The following KIAA0825 variants were observed in gnomAD, a reference collection of about 807,000 sequenced individuals.
KIAA0825 encodes uncharacterized protein KIAA0825.
Under a neutral mutation model 147.6 loss-of-function variants are expected in KIAA0825, and 119 were observed. That is an observed-to-expected ratio of 0.81 (90% confidence interval 0.69 to 0.94). The LOEUF is 0.94. Ranked by LOEUF, KIAA0825 falls within the 40% of genes least tolerant of loss-of-function variation. The pLI is 0.00. For synonymous variants in KIAA0825, 470 were observed against 518.1 expected (o/e 0.91, Z 1.26); for missense variants, 1,381 against 1,472.7 (o/e 0.94, Z 1.02).
intron 20 of KIAA0825, among the ~76,000 whole-genome samples, chr5:94,327,641 C>T (rs1780830600): frequency 6.6e-6 from 1 of 152,130 alleles, no homozygotes; most frequent in East Asian, 1.9e-4. Flanking sequence ...ACCTTCTTTT[C>T]AAATATTTGC....
At position 94,459,974 on chromosome 5, in the gene KIAA0825, T is replaced by C. The variant is rs888794880; in HGVS notation, c.2246+2413A>G. Among the ~76,000 whole-genome samples, 18 of 152,254 alleles carry C rather than the reference T, an allele frequency of 1.2e-4. No individual in the cohort carries two copies. In the Middle Eastern group the frequency reaches 0.01, roughly 86 times the overall value. On this transcript the variant is annotated intron_variant, in intron 12 of 20. Coordinates refer to ENST00000682413, the MANE Select transcript of KIAA0825 (RefSeq NM_001145678.3). ...GGCAAATATTACATCTTGCTCATTG[T>C]TGTATCCCTTTTCTTTAATCAGAGG...
intron 3 of KIAA0825, among the ~76,000 whole-genome samples, chr5:94,527,065 T>C (rs904521036): frequency 6.6e-6 from 1 of 152,068 alleles, no homozygotes; most frequent in Admixed American, 6.6e-5. Context: ...GTACTTGTCA[T>C]CTAACCTCAC....
intron 12 of KIAA0825, among the ~76,000 whole-genome samples, chr5:94,455,257 C>A (rs974786857): frequency 6.6e-6 from 1 of 152,008 alleles, no homozygotes; most frequent in Non-Finnish European, 1.5e-5. Context: ...AACATACCCA[C>A]ACTTAAAGAA....
chr5:94,326,720 A>G (rs1222555567), intron 20 of KIAA0825, among the ~76,000 whole-genome samples: 2 of 152,206 alleles, frequency 1.3e-5, no homozygotes. Context: ...CCGCTTCATC[A>G]ATGATGCCTT....
chr5:94,575,360 G>A (rs1328012190), intron 2 of KIAA0825, among the ~76,000 whole-genome samples: 24 of 149,760 alleles, frequency 1.6e-4, no homozygotes, highest in South Asian at 2.1e-4. Flanking sequence ...TGGCCATGAC[G>A]GAAAAAAAAA....
chr5:94,587,581 G>A (rs566560981), intron 1 of KIAA0825, among the ~76,000 whole-genome samples: 2 of 152,190 alleles, frequency 1.3e-5, no homozygotes, highest in East Asian at 1.9e-4. Flanking sequence ...CCATGCTCAT[G>A]GATAGAAAGA....
intron 1 of KIAA0825, among the ~76,000 whole-genome samples, chr5:94,614,562 G>A (rs943258848): frequency 1.3e-5 from 2 of 152,028 alleles, no homozygotes; most frequent in Non-Finnish European, 2.9e-5. Context: ...AGTGACCTAG[G>A]TACTATTTCT....
At chr5:94,586,537 T>C (rs1271017868) in intron 1 of KIAA0825, among the ~76,000 whole-genome samples, 2 of 151,812 alleles carry the variant, frequency 1.3e-5, no homozygotes, top group Admixed American at 1.3e-4. Flanking sequence ...GGTTCTGAAA[T>C]AGGCAATAAT....
At chr5:94,451,925 A>G (rs1385568644) in intron 13 of KIAA0825, among the ~76,000 whole-genome samples, 1 of 152,226 alleles carries the variant, frequency 6.6e-6, no homozygotes, top group Non-Finnish European at 1.5e-5. Flanking sequence ...TTTTGCAACA[A>G]TGAGTATTAA....
chr5:94,166,178 C>CA (rs1768014644), intron 20 of KIAA0825, among the ~76,000 whole-genome samples: 2 of 151,860 alleles, frequency 1.3e-5, no homozygotes, highest in Admixed American at 1.3e-4. Flanking sequence ...CAAAACGAAA[C>CA]AAAAAACCAC....
intron 20 of KIAA0825, among the ~76,000 whole-genome samples, chr5:94,243,915 G>A (rs1433112809): frequency 6.6e-6 from 1 of 152,092 alleles, no homozygotes; most frequent in Non-Finnish European, 1.5e-5. Flanking sequence ...GTCTTGCAGT[G>A]TTTTCTCTGT....
At chr5:94,289,182 T>C (rs1777780097) in intron 20 of KIAA0825, among the ~76,000 whole-genome samples, 1 of 152,166 alleles carries the variant, frequency 6.6e-6, no homozygotes, top group Admixed American at 6.6e-5. Context: ...CTTTCAGTTG[T>C]TTGCTAAAAA....
In KIAA0825 at chr5:94,435,417, C is replaced by A. The variant is rs141715733; in HGVS notation, c.2497+4565G>T. Among the ~76,000 whole-genome samples, 450 of 151,836 alleles carry A rather than the reference C, an allele frequency of 3.0e-3. 1 individual carries two copies. The highest frequency in any genetic ancestry group is 0.01 in the African/African-American group (428 of 41,428). ...TTTCTGTTCCTGTGTCAGTGTGCCT[C>A]TAGCTCCATCCATGTCCCTGCAAAA... On this transcript the variant is annotated intron_variant, in intron 14 of 20. Transcript: ENST00000682413.
chr5:94,428,754 T>C (rs999716804), intron 14 of KIAA0825, among the ~76,000 whole-genome samples: 1 of 152,164 alleles, frequency 6.6e-6, no homozygotes, highest in Admixed American at 6.5e-5. Flanking sequence ...GAATAGTATT[T>C]TGCAGGTGAT....
At chr5:94,285,023 A>G (rs187651970) in intron 20 of KIAA0825, among the ~76,000 whole-genome samples, 4 of 152,208 alleles carry the variant, frequency 2.6e-5, no homozygotes, top group Non-Finnish European at 4.4e-5. Context: ...TGCTCGATAC[A>G]TTTTTGTTAA....
At chr5:94,237,893 T>C (rs1201811349) in intron 20 of KIAA0825, among the ~76,000 whole-genome samples, 3 of 152,168 alleles carry the variant, frequency 2.0e-5, no homozygotes, top group Non-Finnish European at 4.4e-5. Flanking sequence ...AGTTTGAAAA[T>C]AGAGCTTTTG....
chr5:94,353,668 T>C (rs892272333), intron 20 of KIAA0825, among the ~76,000 whole-genome samples: 4 of 152,138 alleles, frequency 2.6e-5, no homozygotes, highest in Non-Finnish European at 4.4e-5. Flanking sequence ...TCCATCAAAA[T>C]GAAGCTGATA....
At chr5:94,478,578 A>G (rs949586000) in intron 6 of KIAA0825, among the ~76,000 whole-genome samples, 1 of 152,088 alleles carries the variant, frequency 6.6e-6, no homozygotes, top group Non-Finnish European at 1.5e-5. Flanking sequence ...ACACATCACA[A>G]CACAGAGAGG....
intron 20 of KIAA0825, among the ~76,000 whole-genome samples, chr5:94,245,043 G>C (rs982723216): frequency 3.9e-5 from 6 of 152,078 alleles, no homozygotes; most frequent in African/African-American, 1.4e-4. Flanking sequence ...AAGTTGATAG[G>C]TATTGAAAAT....
Sources: allele counts gnomAD v4.1 joint callset (sites outside exome capture counted in the v4.1 genomes callset), GRCh38; gene constraint gnomAD v4.1.1; transcripts MANE v1.5; gene names NCBI Gene and HGNC (gene_info 2026-07-23, HGNC 2026-07-21).